CORO7: variants seen among roughly 807,000 people sequenced by gnomAD.
CORO7 encodes the protein coronin-7.
Under a neutral mutation model 126.6 loss-of-function variants are expected in CORO7, and 107 were observed. The observed-to-expected ratio is 0.85, with a 90% confidence interval of 0.72 to 0.99. CORO7 has a LOEUF of 0.99. CORO7 is among the 50% of genes least tolerant of loss of function. CORO7 has a pLI of 0.00. For synonymous variants in CORO7, 603 were observed against 536.8 expected (o/e 1.12, Z -1.70); for missense variants, 1,314 against 1,255.8 (o/e 1.05, Z -0.70).
At chr16:4,413,284 T>A (rs1230083933) in intron 2 of CORO7, 24 bp downstream of exon 2, 7 of 1,556,326 alleles carry the variant, frequency 4.5e-6, no homozygotes, top group Non-Finnish European at 6.1e-6. Flanking sequence ...TGAGCAAATA[T>A]CCACACTCAT....
At chr16:4,374,759 TG>T (rs1031418038) in intron 9 of CORO7, among the ~76,000 whole-genome samples, 1 of 151,576 alleles carries the variant, frequency 6.6e-6, no homozygotes, top group Non-Finnish European at 1.5e-5. Context: ...TGGGTGATTG[TG>T]GGGGGTTCGG....
chr16:4,389,189 C>G (rs2055300023), intron 7 of CORO7, among the ~76,000 whole-genome samples: 1 of 152,186 alleles, frequency 6.6e-6, no homozygotes, highest in South Asian at 2.1e-4. Context: ...CTGGGACCCA[C>G]CTCTGGGCAA....
At chr16:4,394,703 G>A (rs747314007) in intron 7 of CORO7, among the ~76,000 whole-genome samples, 5 of 152,236 alleles carry the variant, frequency 3.3e-5, no homozygotes, top group Non-Finnish European at 7.3e-5. Context: ...GCCAGACACA[G>A]GGCCCTGTCC....
chr16:4,361,840 AGGT>A, intron 16 of CORO7, 142 bp downstream of exon 16: 1 of 1,304,218 alleles, frequency 7.7e-7, no homozygotes, highest in South Asian at 1.3e-5. Flanking sequence ...GCCCCATGGC[AGGT>A]GGCTGGGAGG....
At chr16:4,383,175 C>T (rs142609070) in intron 9 of CORO7, 10 of 412,980 alleles carry the variant, frequency 2.4e-5, no homozygotes, top group African/African-American at 1.0e-4. Context: ...CTGGGCACGG[C>T]GGGCCCTGCC....
chr16:4,363,865 A>G (rs1348468567), intron 14 of CORO7, among the ~76,000 whole-genome samples: 2 of 151,626 alleles, frequency 1.3e-5, no homozygotes, highest in African/African-American at 4.9e-5. Context: ...CTAAAAATAC[A>G]AAAATTAGCC....
intron 3 of CORO7, among the ~76,000 whole-genome samples, chr16:4,411,426 G>A (rs753427001): frequency 3.9e-5 from 6 of 152,016 alleles, no homozygotes; most frequent in Non-Finnish European, 8.8e-5. Flanking sequence ...CGTTGGCTGG[G>A]CCTGGTGGAT....
At chr16:4,384,225 G>A (rs2141254994) in intron 9 of CORO7, among the ~76,000 whole-genome samples, 1 of 152,346 alleles carries the variant, frequency 6.6e-6, no homozygotes, top group East Asian at 1.9e-4. Context: ...CAGGATTGGT[G>A]GCCTTGGGAT....
chr16:4,405,597 G>A (rs372456876), intron 5 of CORO7, 30 bp from the exon 6 acceptor site: 175 of 1,605,986 alleles, frequency 1.1e-4, no homozygotes, highest in East Asian at 1.8e-4. Context: ...GTCAGGTCCC[G>A]GGCAGTGAGG....
At chr16:4,390,010 T>C (rs1216793792) in intron 7 of CORO7, among the ~76,000 whole-genome samples, 1 of 152,154 alleles carries the variant, frequency 6.6e-6, no homozygotes, top group East Asian at 1.9e-4. Flanking sequence ...TCTCGTCATA[T>C]GGGTATTTGA....
rs2054151634 is a variant in CORO7 at position 4,360,843 on chromosome 16, C to T, written c.1917+100G>A. ...CTCCTCGCTGCTGGTCCTGCCTCTCCTCACTGCTGGCCCCGCCACTCCTCA... is the reference window on the plus strand; with the variant it reads ...CTCCTCGCTGCTGGTCCTGCCTCTCTTCACTGCTGGCCCCGCCACTCCTCA... On this transcript the variant is annotated intron_variant, in intron 19 of 27. Transcript: ENST00000251166. 23 of 1,523,160 alleles carry T rather than the reference C, an allele frequency of 1.5e-5. No homozygotes were observed. In the South Asian group the frequency reaches 2.6e-4, roughly 17 times the overall value. 94.4% of individuals were successfully genotyped at this position (1,523,160 alleles called of 1,614,324 possible). A position where few individuals can be genotyped will look rare whatever the true frequency, so the allele number is the denominator to read the frequency against.
intron 3 of CORO7, among the ~76,000 whole-genome samples, chr16:4,411,970 G>C (rs2056227906): frequency 6.6e-6 from 1 of 151,922 alleles, no homozygotes; most frequent in Non-Finnish European, 1.5e-5. Flanking sequence ...CGACCTCCTT[G>C]GAGGGCCCCG....
At chr16:4,413,495 A>G (rs569996662) in intron 1 of CORO7, 91 bp from the exon 2 acceptor site, 1 of 1,186,000 alleles carries the variant, frequency 8.4e-7, no homozygotes, top group South Asian at 1.4e-5. Flanking sequence ...AATCTGGGGA[A>G]CTCTAGCTCA....
intron 16 of CORO7, 97 bp downstream of exon 16, chr16:4,361,888 G>C: frequency 6.6e-7 from 1 of 1,525,106 alleles, no homozygotes; most frequent in Non-Finnish European, 8.8e-7. Context: ...CTGACACAAG[G>C]TTTGTGCTCC....
chr16:4,395,996 T>TGTGTGTGTGTGTGTGTGTGTGTGTGTG (rs55837244), intron 6 of CORO7, among the ~76,000 whole-genome samples: 2 of 151,112 alleles, frequency 1.3e-5, no homozygotes, highest in African/African-American at 4.9e-5. Flanking sequence ...CATGCACACG[T>TGTGTGTGTGTGTGTGTGTGTGTGTGTG]TGTGTGTGTG....
chr16:4,394,462 A>C (rs1567288774), intron 7 of CORO7, among the ~76,000 whole-genome samples: 1 of 151,922 alleles, frequency 6.6e-6, no homozygotes, highest in East Asian at 1.9e-4. Context: ...AAAAAAAAAA[A>C]AAAAACTCTC....
chr16:4,394,837 C>T (rs978236266), intron 7 of CORO7, among the ~76,000 whole-genome samples: 1 of 152,254 alleles, frequency 6.6e-6, no homozygotes, highest in African/African-American at 2.4e-5. Flanking sequence ...GCCACGCACA[C>T]TCCATGCACA....
intron 1 of CORO7, 162 bp from the exon 2 acceptor site, chr16:4,413,566 C>T: frequency 1.6e-6 from 1 of 615,476 alleles, no homozygotes; most frequent in Non-Finnish European, 2.7e-6. Flanking sequence ...GAGACAGGGT[C>T]TCACTCTGTC....
Position 4,362,517 on chromosome 16 carries a change from C to A in CORO7, c.1402+95G>T. The A allele has an allele frequency of 4.1e-6, 6 of 1,458,942 alleles. No individual in the cohort carries two copies. Among genetic ancestry groups the A allele is most frequent in the Non-Finnish European group, 5.4e-6 (6 of 1,107,080 alleles). The allele number at this position is 1,458,942 out of a possible 1,614,324, so 90.4% of individuals were successfully genotyped here. On this transcript the variant is annotated intron_variant, in intron 15 of 27. Coordinates refer to ENST00000251166, the MANE Select transcript of CORO7 (RefSeq NM_024535.5). The surrounding 1 kb of genome is among the most constrained non-coding windows in gnomAD (Gnocchi z 5.3). ...GGTGAGGGGGGTGCCCTGCATGAGG[C>A]CTGTGCTCAGCAGTAGGGTACACAG...
Sources: gnomAD v4.1 joint callset for allele counts (sites outside exome capture counted in the v4.1 genomes callset) on GRCh38, gnomAD v4.1.1 for gene constraint, Gnocchi (gnomAD v3.1) non-coding constraint, MANE v1.5 for transcripts, NCBI Gene and HGNC (gene_info 2026-07-23, HGNC 2026-07-21) for gene names.